Variants in NCOA2 observed in about 807,000 individuals in gnomAD.
The protein encoded by NCOA2 is class E basic helix-loop-helix protein 75.
Under a neutral mutation model 145.1 loss-of-function variants are expected in NCOA2, and 21 were observed. The observed-to-expected ratio is 0.14, with a 90% confidence interval of 0.10 to 0.21. The LOEUF is 0.21. Among genes scored for constraint, NCOA2 ranks in the 10% least tolerant of loss-of-function variants. The probability of loss-of-function intolerance (pLI) is 1.00; values close to 1 mark genes in which losing one functional copy is unlikely to be tolerated. For synonymous variants in NCOA2, 619 were observed against 637.5 expected, an observed-to-expected ratio of 0.97 and a Z score of 0.44; for missense variants, 1,472 against 1,837.6, an observed-to-expected ratio of 0.80 and a Z score of 3.64.
chr8:70,136,498 T>G (rs893857983), intron 15 of NCOA2, among the ~76,000 whole-genome samples: 2 of 150,786 alleles, frequency 1.3e-5, no homozygotes, highest in Non-Finnish European at 2.9e-5. Flanking sequence ...AAGTCATCTA[T>G]AAATTTTTGG....
intron 13 of NCOA2, among the ~76,000 whole-genome samples, chr8:70,142,638 A>G (rs1409536209): frequency 6.6e-6 from 1 of 152,130 alleles, no homozygotes; most frequent in Non-Finnish European, 1.5e-5. Context: ...GGTTGAAGCT[A>G]TGGTGAGCTG....
intron 6 of NCOA2, among the ~76,000 whole-genome samples, chr8:70,167,407 C>G (rs1330411615): frequency 1.3e-5 from 2 of 152,208 alleles, no homozygotes. Context: ...TGCTGCCACC[C>G]TATCTGACAT....
At chr8:70,116,848 G>A (rs574022514) in intron 22 of NCOA2, among the ~76,000 whole-genome samples, 3 of 152,344 alleles carry the variant, frequency 2.0e-5, no homozygotes, top group African/African-American at 7.2e-5. Flanking sequence ...AAGTTGACGA[G>A]GTTATCAGTG....
chr8:70,282,044 C>T (rs968201208), intron 2 of NCOA2, among the ~76,000 whole-genome samples: 1 of 152,112 alleles, frequency 6.6e-6, no homozygotes, highest in Non-Finnish European at 1.5e-5. Context: ...GATACCAACA[C>T]AAAATAATGA....
intron 17 of NCOA2, 61 bp from the exon 18 acceptor site, chr8:70,128,571 A>C: frequency 6.3e-7 from 1 of 1,590,858 alleles, no homozygotes; most frequent in Non-Finnish European, 8.6e-7. Context: ...ACTTTAAATC[A>C]AGTTTCCCAA....
At chr8:70,262,514 C>T (rs1311392392) in intron 2 of NCOA2, among the ~76,000 whole-genome samples, 1 of 152,160 alleles carries the variant, frequency 6.6e-6, no homozygotes, top group Admixed American at 6.5e-5. Context: ...AGCCCAAATA[C>T]GAGCTTGGCT....
intron 4 of NCOA2, among the ~76,000 whole-genome samples, chr8:70,187,125 C>T (rs1257530360): frequency 6.6e-6 from 1 of 152,154 alleles, no homozygotes. Flanking sequence ...ATGCCTCAAC[C>T]AGGCAGCAGG....
At chr8:70,360,945 A>C (rs1316450495) in intron 1 of NCOA2, among the ~76,000 whole-genome samples, 3 of 150,862 alleles carry the variant, frequency 2.0e-5, no homozygotes, top group Admixed American at 6.6e-5. Flanking sequence ...TCCAGCTCAA[A>C]AAAAAAAAAA....
At chr8:70,292,982 G>A (rs1826810693) in intron 2 of NCOA2, among the ~76,000 whole-genome samples, 1 of 152,176 alleles carries the variant, frequency 6.6e-6, no homozygotes, top group Non-Finnish European at 1.5e-5. Flanking sequence ...AGTCTACCCT[G>A]TGAGACCAGG....
chr8:70,306,493 T>C (rs1027022371), intron 1 of NCOA2, among the ~76,000 whole-genome samples: 1 of 152,160 alleles, frequency 6.6e-6, no homozygotes, highest in African/African-American at 2.4e-5. Flanking sequence ...TAAAACTGGA[T>C]AGATCTTGAG....
At chr8:70,121,444 G>T in intron 21 of NCOA2, 53 bp from the exon 22 acceptor site, 1 of 1,443,098 alleles carries the variant, frequency 6.9e-7, no homozygotes, top group Non-Finnish European at 9.6e-7. Context: ...GTCCAAGAGT[G>T]CACTGGAAAA....
chr8:70,208,131 C>G (rs960047181), intron 4 of NCOA2, among the ~76,000 whole-genome samples: 15 of 151,864 alleles, frequency 9.9e-5, no homozygotes, highest in African/African-American at 3.1e-4. Context: ...AGTGAAATAG[C>G]CTTTTTGCTG....
intron 1 of NCOA2, among the ~76,000 whole-genome samples, chr8:70,324,734 T>C (rs575723174): frequency 2.2e-4 from 34 of 152,198 alleles, no homozygotes; most frequent in Non-Finnish European, 4.9e-4. Flanking sequence ...TTTGCTATCC[T>C]TGGGACTTGT....
chr8:70,299,007 C>T (rs1487325740), intron 1 of NCOA2, among the ~76,000 whole-genome samples: 1 of 152,004 alleles, frequency 6.6e-6, no homozygotes, highest in African/African-American at 2.4e-5. Context: ...TTGCAGTGAG[C>T]CGAGATCGCG....
chr8:70,229,467 AG>A (rs1820945704), intron 2 of NCOA2, among the ~76,000 whole-genome samples: 1 of 152,190 alleles, frequency 6.6e-6, no homozygotes, highest in African/African-American at 2.4e-5. Context: ...TCCAAAGTGA[AG>A]GGGAGATGGG....
intron 1 of NCOA2, among the ~76,000 whole-genome samples, chr8:70,349,499 C>G (rs1225649709): frequency 1.3e-5 from 2 of 151,936 alleles, no homozygotes; most frequent in African/African-American, 4.8e-5. Context: ...TCAATAGATG[C>G]AAACTAGAGA....
chr8:70,243,097 T>C (rs1822289942), intron 2 of NCOA2, among the ~76,000 whole-genome samples: 1 of 152,104 alleles, frequency 6.6e-6, no homozygotes, highest in African/African-American at 2.4e-5. Flanking sequence ...GATAACTCAA[T>C]ATGTTAATCT....
intron 4 of NCOA2, among the ~76,000 whole-genome samples, chr8:70,191,570 C>G (rs555289639): frequency 6.6e-6 from 1 of 152,058 alleles, no homozygotes; most frequent in Non-Finnish European, 1.5e-5. Context: ...ATAAAAGACT[C>G]ATCATTTACC....
chr8:70,276,427 C>T (rs1442893340), intron 2 of NCOA2, among the ~76,000 whole-genome samples: 2 of 152,102 alleles, frequency 1.3e-5, no homozygotes, highest in Non-Finnish European at 2.9e-5. Flanking sequence ...TTTAAGTACA[C>T]TGATATAGTT....
Sources: allele counts gnomAD v4.1 joint callset (sites outside exome capture counted in the v4.1 genomes callset), GRCh38; gene constraint gnomAD v4.1.1; transcripts MANE v1.5; gene names NCBI Gene and HGNC (gene_info 2026-07-23, HGNC 2026-07-21).